CDKAL1: variants seen among roughly 807,000 people sequenced by gnomAD.
CDKAL1 encodes CDKAL1 threonylcarbamoyladenosine tRNA methylthiotransferase.
CDKAL1 carries 32 observed loss-of-function variants against 68.2 expected under a neutral mutation model. That is an observed-to-expected ratio of 0.47 (90% CI 0.35 to 0.63). The LOEUF (loss-of-function observed/expected upper bound fraction) is 0.63. Ranked by LOEUF, CDKAL1 falls within the 30% of genes least tolerant of loss-of-function variation. CDKAL1 has a pLI of 0.00. For synonymous variants in CDKAL1, 234 were observed against 244.3 expected (o/e 0.96, Z 0.39); for missense variants, 606 against 696.7 (o/e 0.87, Z 1.47).
At chr6:20,591,741 T>TGGTACC (rs1416096820) in intron 4 of CDKAL1, among the ~76,000 whole-genome samples, 9 of 152,208 alleles carry the variant, frequency 5.9e-5, no homozygotes, top group Admixed American at 2.0e-4. Context: ...ATATCTGTTT[T>TGGTACC]GGTACCAGTA....
At chr6:21,133,350 G>A (rs1401136056) in intron 13 of CDKAL1, among the ~76,000 whole-genome samples, 1 of 152,106 alleles carries the variant, frequency 6.6e-6, no homozygotes, top group South Asian at 2.1e-4. Context: ...ACAGGCTGTT[G>A]GTTTGTTCGG....
At chr6:20,666,253 A>C (rs1769537283) in intron 5 of CDKAL1, among the ~76,000 whole-genome samples, 1 of 149,500 alleles carries the variant, frequency 6.7e-6, no homozygotes. Context: ...ACCAAGTGAG[A>C]TATTGGTTTT....
intron 10 of CDKAL1, among the ~76,000 whole-genome samples, chr6:20,995,230 T>C (rs1208853485): frequency 1.3e-5 from 2 of 152,160 alleles, no homozygotes; most frequent in African/African-American, 4.8e-5. Flanking sequence ...TCCATGAGGG[T>C]TGAAATCAAT....
chr6:20,783,499 C>G (rs1190944168), intron 8 of CDKAL1, among the ~76,000 whole-genome samples: 1 of 152,154 alleles, frequency 6.6e-6, no homozygotes, highest in Non-Finnish European at 1.5e-5. Context: ...TCTCAAAACT[C>G]CAGATTCTTC....
At chr6:21,111,978 G>T (rs530181528) in intron 13 of CDKAL1, among the ~76,000 whole-genome samples, 2 of 151,956 alleles carry the variant, frequency 1.3e-5, no homozygotes, top group African/African-American at 2.4e-5. Flanking sequence ...AACATAACTT[G>T]TATTATAGTT....
At chr6:20,937,399 T>A (rs1040143689) in intron 9 of CDKAL1, among the ~76,000 whole-genome samples, 2 of 152,244 alleles carry the variant, frequency 1.3e-5, no homozygotes, top group African/African-American at 4.8e-5. Context: ...TAAATGTTTC[T>A]ATTTTAACAT....
At chr6:20,782,850 CA>C (rs1775489051) in intron 8 of CDKAL1, among the ~76,000 whole-genome samples, 1 of 152,192 alleles carries the variant, frequency 6.6e-6, no homozygotes, top group Non-Finnish European at 1.5e-5. Context: ...AAATTATCAT[CA>C]TGGTACAGAT....
At chr6:20,722,231 A>G (rs1772412469) in intron 5 of CDKAL1, 2 of 152,954 alleles carry the variant, frequency 1.3e-5, no homozygotes, top group Middle Eastern at 3.3e-3. Flanking sequence ...TACGTTCTGA[A>G]ATAGTTCAAG....
chr6:20,744,738 C>A, intron 6 of CDKAL1, among the ~76,000 whole-genome samples: 1 of 152,158 alleles, frequency 6.6e-6, no homozygotes, highest in East Asian at 1.9e-4. Context: ...TCAGTTATTA[C>A]AGTATCCATT....
At chr6:20,833,773 T>G (rs1369004350) in intron 8 of CDKAL1, among the ~76,000 whole-genome samples, 4 of 152,202 alleles carry the variant, frequency 2.6e-5, no homozygotes, top group Non-Finnish European at 5.9e-5. Context: ...TCTCTCTCCT[T>G]TCCTTGTTTT....
At chr6:20,840,329 A>G (rs1044806634) in intron 8 of CDKAL1, among the ~76,000 whole-genome samples, 20 of 152,194 alleles carry the variant, frequency 1.3e-4, no homozygotes, top group African/African-American at 4.3e-4. Flanking sequence ...AGGGATTGAG[A>G]GGTGATAAGT....
intron 5 of CDKAL1, among the ~76,000 whole-genome samples, chr6:20,650,560 A>T (rs936123872): frequency 2.0e-5 from 3 of 152,082 alleles, no homozygotes; most frequent in African/African-American, 7.2e-5. Context: ...CTCTTTAATT[A>T]GATTCCATTT....
At chr6:20,943,573 A>G (rs532056155) in intron 9 of CDKAL1, among the ~76,000 whole-genome samples, 40 of 151,114 alleles carry the variant, frequency 2.6e-4, no homozygotes, top group African/African-American at 9.2e-4. Context: ...TCTTCGTTTC[A>G]TTTTGGGTAG....
chr6:20,609,276 C>CCTCCTTCTCCTTCTT (rs70990053), intron 4 of CDKAL1, among the ~76,000 whole-genome samples: 103,576 of 131,444 alleles, frequency 0.79, 41,110 homozygotes, highest in East Asian at 0.98. Flanking sequence ...TCCTCCTTCT[C>CCTCCTTCTCCTTCTT]CTCCTTCTCC....
At chr6:21,110,860 G>A (rs1346958466) in intron 13 of CDKAL1, among the ~76,000 whole-genome samples, 3 of 152,066 alleles carry the variant, frequency 2.0e-5, no homozygotes, top group Admixed American at 6.5e-5. Context: ...CCTAGCTACC[G>A]GGGACAGGTT....
intron 11 of CDKAL1, among the ~76,000 whole-genome samples, chr6:21,051,446 G>A (rs1322652010): frequency 3.3e-5 from 5 of 152,154 alleles, no homozygotes; most frequent in Admixed American, 2.6e-4. Flanking sequence ...CATCAGTGCT[G>A]TGAGCACATC....
chr6:20,544,595 C>CAAAA lies in CDKAL1; in HGVS notation c.-5-1728_-5-1725dup, dbSNP rs747920604. Among the ~76,000 whole-genome samples the CAAAA allele has an allele frequency of 1.2e-3, 66 of 56,702 alleles. 1 individual carries two copies. The highest frequency in any genetic ancestry group is 3.7e-3 in the African/African-American group (55 of 14,686). The allele number at this position is 56,702 out of a possible 152,430, so 37.2% of individuals were successfully genotyped here. A position where few individuals can be genotyped will look rare whatever the true frequency, so the allele number is the denominator to read the frequency against. The stretch of plus-strand genomic sequence containing the variant: ...TGGGCCACAGAGCGAAACTCCGTCT[C>CAAAA]AAAAAAAAAAAAAAAAAAAAAAAAA... On this transcript the variant is annotated intron_variant, in intron 2 of 15. Transcript: ENST00000274695.
At chr6:20,779,007 G>A (rs1054045431) in intron 7 of CDKAL1, among the ~76,000 whole-genome samples, 1 of 152,152 alleles carries the variant, frequency 6.6e-6, no homozygotes, top group African/African-American at 2.4e-5. Context: ...TACTGAATAA[G>A]AAATACATTT....
rs1192994500 is a variant in CDKAL1 at position 21,027,949 on chromosome 6, A to G, written c.1055+27577A>G. ...GCTTTGGCCCAGAAATCTGAGGTGG[A>G]GCTCACTTGGCCCGTGGTGCTAAGG... On this transcript the variant is annotated intron_variant, in intron 11 of 15. Coordinates refer to ENST00000274695, the MANE Select transcript of CDKAL1 (RefSeq NM_017774.3). Among the ~76,000 whole-genome samples the G allele has an allele frequency of 3.3e-5, 5 of 152,164 alleles. No homozygotes were observed. In the South Asian group the frequency reaches 1.0e-3, roughly 32 times the overall value.
Sources: allele counts gnomAD v4.1 joint callset (sites outside exome capture counted in the v4.1 genomes callset), GRCh38; gene constraint gnomAD v4.1.1; transcripts MANE v1.5; gene names NCBI Gene and HGNC (gene_info 2026-07-23, HGNC 2026-07-21).